The following AGAP6 variants were observed in gnomAD, a reference collection of about 807,000 sequenced individuals.
The protein encoded by AGAP6 is arf-GAP with GTPase, ANK repeat and PH domain-containing protein 6.
Under a neutral mutation model 63.9 loss-of-function variants are expected in AGAP6, and 29 were observed. The ratio of observed to expected loss-of-function variants is 0.45; its 90% CI spans 0.34 to 0.62. The LOEUF (loss-of-function observed/expected upper bound fraction) is 0.62. Ranked by LOEUF, AGAP6 falls within the 20% of genes least tolerant of loss-of-function variation. AGAP6 has a pLI of 0.01. For synonymous variants in AGAP6, 199 were observed against 332.9 expected (o/e 0.60, Z 4.38); for missense variants, 493 against 884.9 (o/e 0.56, Z 5.62).
intron 4 of AGAP6, among the ~76,000 whole-genome samples, chr10:49,996,581 G>A (rs1331480355): frequency 6.6e-6 from 1 of 151,236 alleles, no homozygotes; most frequent in African/African-American, 2.4e-5. Context: ...CATTTTTGGT[G>A]TACAGTTTTC....
intron 6 of AGAP6, among the ~76,000 whole-genome samples, chr10:50,005,796 T>C (rs1841894208): frequency 6.7e-6 from 1 of 149,178 alleles, no homozygotes; most frequent in African/African-American, 2.5e-5. Flanking sequence ...GGTGCATGCC[T>C]GTAGTCCCAG....
chr10:50,006,466 C>CA (rs1207554754), intron 6 of AGAP6, among the ~76,000 whole-genome samples: 1 of 152,174 alleles, frequency 6.6e-6, no homozygotes, highest in Non-Finnish European at 1.5e-5. Context: ...TTGGCATGAT[C>CA]TCAGCTCAAG....
intron 6 of AGAP6, 102 bp from the exon 7 acceptor site, chr10:50,007,923 G>A (rs1267310592): frequency 6.3e-7 from 1 of 1,599,430 alleles, no homozygotes; most frequent in East Asian, 2.2e-5. Context: ...AACTGCTTTG[G>A]TAAAGTAAAC....
chr10:49,997,757 A>G (rs74596693), intron 4 of AGAP6, among the ~76,000 whole-genome samples: 3 of 149,854 alleles, frequency 2.0e-5, no homozygotes, highest in South Asian at 2.1e-4. Context: ...GCTGAACCCA[A>G]TTTGTAGTCT....
intron 6 of AGAP6, 88 bp downstream of exon 6, chr10:50,004,808 A>G (rs545067791): frequency 6.7e-5 from 41 of 609,054 alleles, no homozygotes; most frequent in Non-Finnish European, 1.1e-4. Flanking sequence ...TCTAGACATC[A>G]TAAGCTGTAT....
Position 49,988,791 on chromosome 10 carries a change from C to G in AGAP6, c.76C>G (p.Pro26Ala). 2 of 1,597,142 alleles carry G rather than the reference C, an allele frequency of 1.3e-6. No individual in the cohort carries two copies. Among genetic ancestry groups the G allele is most frequent in the South Asian group, 1.1e-5 (1 of 90,938 alleles). ...EFDQQQGSVC[P>A]SESETYEAGA... is the part of the protein sequence containing the mutation. ...TGACCAGCAGCAGGGGTCGGTGTGT[C>G]CCTCTGAATCTGAGACCTATGAGGC... The change falls in exon 1 of 8, where the codon CCC (proline) becomes GCC (alanine). Residue 26 changes from proline to alanine, a missense_variant. Pro to Ala is a conservative substitution (Grantham distance 27). Coordinates refer to ENST00000412531, the MANE Select transcript of AGAP6 (RefSeq NM_001077665.3).
In AGAP6 at chr10:50,010,245, A is replaced by T. The variant is rs201715366; in HGVS notation, c.*59A>T. 6,486 of 1,594,958 alleles carry T rather than the reference A, an allele frequency of 4.1e-3. 119 individuals are homozygous for T. The African/African-American group carries it at 0.041, about 10-fold the overall frequency. ...CAAAAACAAAATGGGAAAAATAAGGATAACTCAGAATTTCAAAAGGAAATC... is the reference window on the plus strand; with the variant it reads ...CAAAAACAAAATGGGAAAAATAAGGTTAACTCAGAATTTCAAAAGGAAATC... On this transcript the variant is annotated 3_prime_UTR_variant, in exon 8 of 8. Transcript: ENST00000412531.
At chr10:49,994,730 A>C (rs1841418529) in intron 4 of AGAP6, among the ~76,000 whole-genome samples, 1 of 152,182 alleles carries the variant, frequency 6.6e-6, no homozygotes, top group East Asian at 1.9e-4. Context: ...TAGGAGGCCG[A>C]GGCAGGCTGA....
rs545862072 is a variant in AGAP6, at chr10:50,005,334, G to GT, written c.533+614_533+615insT. The stretch of plus-strand genomic sequence containing the variant: ...TGCTTTAAAGAAGCAATAAGAGGCT[G>GT]GGCACGGTGGCTCACGCCTGTAATC... On this transcript the variant is annotated intron_variant, in intron 6 of 7. Transcript: ENST00000412531. Among the ~76,000 whole-genome samples the GT allele has an allele frequency of 3.2e-3, 490 of 152,370 alleles. 2 individuals carry two copies. The highest frequency in any genetic ancestry group is 6.8e-3 in the Middle Eastern group (2 of 294).
At chr10:49,994,599 T>C (rs374128831) in intron 4 of AGAP6, among the ~76,000 whole-genome samples, 170 bp downstream of exon 4, 1 of 152,120 alleles carries the variant, frequency 6.6e-6, no homozygotes, top group African/African-American at 2.4e-5. Context: ...CAGAAAAGTG[T>C]TTAGTTTAGC....
intron 4 of AGAP6, among the ~76,000 whole-genome samples, chr10:50,001,198 T>C (rs1554862805): frequency 2.0e-5 from 3 of 147,498 alleles, no homozygotes; most frequent in East Asian, 2.1e-4. Context: ...GGCATGGTGG[T>C]GGGCGCCTGT....
At chr10:49,997,991 C>CAT (rs4043250) in intron 4 of AGAP6, among the ~76,000 whole-genome samples, 9,040 of 124,042 alleles carry the variant, frequency 0.073, 1,033 homozygotes, top group African/African-American at 0.086. Context: ...TGGAATTCCT[C>CAT]ATATATATAT....
rs570757434 is a variant in AGAP6 at position 49,998,910 on chromosome 10, A to G, written c.397-3086A>G. Among the ~76,000 whole-genome samples the G allele has an allele frequency of 1.1e-4, 15 of 139,734 alleles. 1 individual carries two copies. In the South Asian group the frequency reaches 3.4e-3, roughly 32 times the overall value. 91.7% of individuals were successfully genotyped at this position (139,734 alleles called of 152,430 possible). A position where few individuals can be genotyped will look rare whatever the true frequency, so the allele number is the denominator to read the frequency against. ...ATTCAGCAACGTTTTGTAGTTCCCA[A>G]CGGCATATCAAAAAATAATCCGGCC... On this transcript the variant is annotated intron_variant, in intron 4 of 7. Coordinates refer to ENST00000412531, the MANE Select transcript of AGAP6 (RefSeq NM_001077665.3).
chr10:50,004,305 A>C (rs1841822915), intron 5 of AGAP6, among the ~76,000 whole-genome samples: 1 of 150,996 alleles, frequency 6.6e-6, no homozygotes, highest in African/African-American at 2.4e-5. Context: ...GTGAGGAGTC[A>C]AGATGGCACC....
At chr10:50,001,313 G>A (rs1321877499) in intron 4 of AGAP6, among the ~76,000 whole-genome samples, 2 of 150,472 alleles carry the variant, frequency 1.3e-5, no homozygotes, top group South Asian at 4.2e-4. Flanking sequence ...CTGGGCGACA[G>A]AGCGAGACTC....
chr10:49,989,249 A>G, intron 1 of AGAP6, 59 bp from the exon 2 acceptor site: 1 of 1,594,548 alleles, frequency 6.3e-7, no homozygotes. Context: ...TGAATAAATA[A>G]GTTGATAAAT....
In AGAP6 at chr10:50,010,004, G is replaced by A. The variant is rs1554865558; in HGVS notation, c.1879G>A (p.Ala627Thr). 1 of 1,611,734 alleles carries A rather than the reference G, an allele frequency of 6.2e-7. No homozygotes were observed. Among genetic ancestry groups the A allele is most frequent in the Admixed American group, 1.7e-5 (1 of 59,970 alleles). The change falls in exon 8 of 8, where the codon GCG becomes ACG. Residue 627 changes from alanine to threonine, a missense_variant. Physicochemically the swap from Ala to Thr is moderately conservative, Grantham distance 58. Transcript: ENST00000412531. ...CTGTGGGGAGGGAGACGGCTGCACG[G>A]CGCTCCATCTGGCCTGCCGCAAGGG... The part of the protein sequence containing the change: ...ETCGEGDGCT[A>T]LHLACRKGNV...
At position 49,994,566 on chromosome 10, in the gene AGAP6, T is replaced by G. The variant is rs1841408124; in HGVS notation, c.396+137T>G. 30 of 1,238,748 alleles carry G rather than the reference T, an allele frequency of 2.4e-5. No homozygotes were observed. In the South Asian group the frequency reaches 4.2e-4, roughly 17 times the overall value. The allele number at this position is 1,238,748 out of a possible 1,614,324, so 76.7% of individuals were successfully genotyped here. A position where few individuals can be genotyped will look rare whatever the true frequency, so the allele number is the denominator to read the frequency against. ...TTGTGGATTTTCTAAATCTCTTCTA[T>G]TTTCCTGAGTATTAAATTTATCCAG... On this transcript the variant is annotated intron_variant, in intron 4 of 7. Transcript: ENST00000412531.
At chr10:49,997,535 A>G (rs1300932336) in intron 4 of AGAP6, among the ~76,000 whole-genome samples, 2 of 152,004 alleles carry the variant, frequency 1.3e-5, no homozygotes, top group Non-Finnish European at 2.9e-5. Context: ...TTAAAAACCT[A>G]TCTAAAATTT....
Sources: gnomAD v4.1 joint callset for allele counts (sites outside exome capture counted in the v4.1 genomes callset) on GRCh38, gnomAD v4.1.1 for gene constraint, MANE v1.5 for transcripts, NCBI Gene and HGNC (gene_info 2026-07-23, HGNC 2026-07-21) for gene names.